The following TRAPPC9 variants were observed in gnomAD, a reference collection of about 807,000 sequenced individuals.
TRAPPC9 encodes the protein IKK2 binding protein.
A neutral mutation model predicts 124.0 loss-of-function variants in TRAPPC9; 83 were observed. That is an observed-to-expected ratio of 0.67 (90% confidence interval 0.56 to 0.80). TRAPPC9 has a LOEUF of 0.80. Ranked by LOEUF, TRAPPC9 falls within the 30% of genes least tolerant of loss-of-function variation. The pLI is 0.00. For missense variants in TRAPPC9, 1,302 were observed against 1,508.3 expected, an observed-to-expected ratio of 0.86 and a Z score of 2.27; for synonymous variants, 638 against 617.5, an observed-to-expected ratio of 1.03 and a Z score of -0.49.
chr8:140,311,662 A>G (rs551604026), intron 9 of TRAPPC9, among the ~76,000 whole-genome samples: 2 of 152,358 alleles, frequency 1.3e-5, no homozygotes, highest in East Asian at 3.9e-4. Flanking sequence ...AAATTTCAAG[A>G]AAGTCTGTAG....
At chr8:140,054,012 C>A in intron 17 of TRAPPC9, among the ~76,000 whole-genome samples, 1 of 152,198 alleles carries the variant, frequency 6.6e-6, no homozygotes, top group Non-Finnish European at 1.5e-5. Context: ...CAAAATCATG[C>A]CCTTTGCTAC....
intron 21 of TRAPPC9, among the ~76,000 whole-genome samples, chr8:139,799,377 C>T (rs192554064): frequency 1.1e-3 from 162 of 152,308 alleles, no homozygotes; most frequent in African/African-American, 3.9e-3. Context: ...GAGATGAGGA[C>T]ATGCCTATCT....
intron 17 of TRAPPC9, among the ~76,000 whole-genome samples, chr8:140,159,904 C>T (rs947405503): frequency 6.6e-6 from 1 of 152,194 alleles, no homozygotes; most frequent in Non-Finnish European, 1.5e-5. Context: ...GAAGTTCCTG[C>T]CCTATTTAGG....
rs532900608 is a variant in TRAPPC9, at chr8:139,869,250, A to G, written c.3055+16629T>C. ...AAGGTTTAAATTCAAATGATAGGCA[A>G]AAGTATACCAGCCAAACAAAAAGAA... On this transcript the variant is annotated intron_variant, in intron 21 of 22. Transcript: ENST00000438773. 4.6e-5 allele frequency among the ~76,000 whole-genome samples: 7 copies of G among 152,378 alleles called. No homozygotes were observed. In the East Asian group the frequency reaches 1.3e-3, roughly 29 times the overall value.
rs760583728 is a variant in TRAPPC9 at position 140,300,457 on chromosome 8, T to C, written c.1768+12A>G. On this transcript the variant is annotated intron_variant, in intron 11 of 22. Transcript: ENST00000438773. ...GCAGAGCACGGTGGGAAAGCCAGGA[T>C]CGACGTCCTACCTATTTTCTTGTTC... 1.8e-5 allele frequency: 29 copies of C among 1,614,022 alleles called. No homozygotes were observed. Among genetic ancestry groups the C allele is most frequent in the Middle Eastern group, 1.6e-4 (1 of 6,082 alleles).
At chr8:140,125,113 A>G (rs2061063112) in intron 17 of TRAPPC9, among the ~76,000 whole-genome samples, 1 of 152,172 alleles carries the variant, frequency 6.6e-6, no homozygotes, top group Non-Finnish European at 1.5e-5. Context: ...AGGGGAAGTG[A>G]GGCAAGGGAC....
At chr8:139,828,321 AG>A (rs1825771085) in intron 21 of TRAPPC9, among the ~76,000 whole-genome samples, 1 of 152,204 alleles carries the variant, frequency 6.6e-6, no homozygotes, top group Non-Finnish European at 1.5e-5. Context: ...CTACTCTGCA[AG>A]GGTGGCTGCT....
At chr8:140,364,665 T>A (rs985132340) in intron 8 of TRAPPC9, among the ~76,000 whole-genome samples, 3 of 151,942 alleles carry the variant, frequency 2.0e-5, no homozygotes, top group African/African-American at 7.3e-5. Flanking sequence ...ACTGCAACCC[T>A]TCTACCTCCC....
intron 21 of TRAPPC9, among the ~76,000 whole-genome samples, chr8:139,747,002 CGG>C (rs1156947527): frequency 6.6e-6 from 1 of 152,102 alleles, no homozygotes; most frequent in African/African-American, 2.4e-5. Flanking sequence ...GAAAAAGAAA[CGG>C]GGAAAAAAAT....
intron 16 of TRAPPC9, among the ~76,000 whole-genome samples, chr8:140,236,205 C>G (rs150925148): frequency 0.012 from 1,853 of 151,648 alleles, 38 homozygotes; most frequent in African/African-American, 0.043. Context: ...GCCTCAGCCT[C>G]CCAAGTAGCT....
chr8:139,917,162 A>ATTTTTTT (rs1832191450), intron 19 of TRAPPC9, among the ~76,000 whole-genome samples: 2 of 70,922 alleles, frequency 2.8e-5, no homozygotes, highest in South Asian at 8.5e-4. Context: ...CTTCATTATT[A>ATTTTTTT]TTTTCTTTTT....
intron 17 of TRAPPC9, among the ~76,000 whole-genome samples, chr8:140,200,840 G>A (rs1460993969): frequency 6.6e-6 from 1 of 152,142 alleles, no homozygotes; most frequent in Non-Finnish European, 1.5e-5. Flanking sequence ...ACCCACGTTG[G>A]TTTCTTATTG....
rs146918500 is a variant in TRAPPC9 at position 139,808,992 on chromosome 8, G to A, written c.3056-76790C>T. Among the ~76,000 whole-genome samples the A allele has an allele frequency of 7.9e-5, 12 of 152,340 alleles. No homozygotes were observed. The East Asian group carries it at 1.9e-3, about 24-fold the overall frequency. On this transcript the variant is annotated intron_variant, in intron 21 of 22. Transcript: ENST00000438773. The stretch of plus-strand genomic sequence containing the variant: ...CAATGCTCTTTGCCTAGGAGTGGAT[G>A]TGCCTGACTCCAAACCCCTTTGTGT...
chr8:140,012,414 T>C (rs910586065), intron 18 of TRAPPC9, among the ~76,000 whole-genome samples: 3 of 152,176 alleles, frequency 2.0e-5, no homozygotes, highest in African/African-American at 4.8e-5. Flanking sequence ...GCCTGTAACA[T>C]ACCTGTAAAG....
chr8:140,219,043 C>G (rs2063270741), intron 17 of TRAPPC9, among the ~76,000 whole-genome samples: 1 of 152,028 alleles, frequency 6.6e-6, no homozygotes. Context: ...AGTCACAAAA[C>G]TAGTTGGGGA....
rs774751225 is a variant in TRAPPC9, at chr8:140,435,201, T to G, written c.770A>C (p.His257Pro). Residue 257 changes from histidine to proline, a missense_variant, in exon 4 of 23, where the codon CAC (histidine) becomes CCC (proline). By Grantham distance (77) the His-to-Pro change is moderately conservative. Transcript: ENST00000438773. ...EGLCSASVIY[H>P]YPGGTGGKSG... is the part of the protein sequence containing the mutation. Reference sequence around the variant, plus strand: ...CTTCCCACCAGTTCCACCAGGATAGTGATAGATGACAGAAGCTGAACACAA... The same window carrying G: ...CTTCCCACCAGTTCCACCAGGATAGGGATAGATGACAGAAGCTGAACACAA... The G allele has an allele frequency of 3.7e-6, 6 of 1,613,938 alleles. No individual in the cohort carries two copies. The highest frequency in any genetic ancestry group is 5.1e-6 in the Non-Finnish European group (6 of 1,179,972).
chr8:139,918,111 C>T (rs1832267594), intron 19 of TRAPPC9, among the ~76,000 whole-genome samples: 1 of 152,220 alleles, frequency 6.6e-6, no homozygotes, highest in Non-Finnish European at 1.5e-5. Flanking sequence ...TCATGGAAGT[C>T]TGTGATTCGC....
intron 21 of TRAPPC9, among the ~76,000 whole-genome samples, chr8:139,783,279 A>C (rs1821964589): frequency 6.6e-6 from 1 of 152,182 alleles, no homozygotes. Context: ...AGAATCTATA[A>C]ATCTCTAGCC....
chr8:140,068,223 T>C (rs1378037605), intron 17 of TRAPPC9, among the ~76,000 whole-genome samples: 1 of 152,104 alleles, frequency 6.6e-6, no homozygotes, highest in Admixed American at 6.6e-5. Flanking sequence ...GAAGGCTTCA[T>C]GGAGGTGTGA....
Sources: gnomAD v4.1 joint callset for allele counts (sites outside exome capture counted in the v4.1 genomes callset) on GRCh38, gnomAD v4.1.1 for gene constraint, MANE v1.5 for transcripts, NCBI Gene and HGNC (gene_info 2026-07-23, HGNC 2026-07-21) for gene names.